Variants in PRKACB observed in about 807,000 individuals in gnomAD.
PRKACB encodes the protein cAMP-dependent protein kinase catalytic subunit beta.
Under a neutral mutation model 51.4 loss-of-function variants are expected in PRKACB, and 16 were observed. The ratio of observed to expected loss-of-function variants is 0.31; its 90% CI spans 0.21 to 0.47. The LOEUF (loss-of-function observed/expected upper bound fraction) is 0.47. Ranked by LOEUF, PRKACB falls within the 20% of genes least tolerant of loss-of-function variation. The probability of loss-of-function intolerance (pLI) is 1.00; values close to 1 mark genes in which losing one functional copy is unlikely to be tolerated. For missense variants in PRKACB, 309 were observed against 464.5 expected (o/e 0.67, Z 3.08); for synonymous variants, 147 against 154.4 (o/e 0.95, Z 0.35).
At chr1:84,143,106 T>C (rs1653586886), upstream of PRKACB, among the ~76,000 whole-genome samples, 1 of 152,180 alleles carries the variant, frequency 6.6e-6, no homozygotes. Flanking sequence ...CAGGTTACTT[T>C]CTTTCCTGAA....
intron 1 of PRKACB, among the ~76,000 whole-genome samples, chr1:84,169,773 G>A (rs1259044831): frequency 6.6e-6 from 1 of 151,580 alleles, no homozygotes; most frequent in Admixed American, 6.6e-5. Flanking sequence ...ACCTCATTTT[G>A]TTTTGACAAG....
At chr1:84,199,121 A>ATGCATATATGTATATATATGCG (rs1558242905) in intron 7 of PRKACB, among the ~76,000 whole-genome samples, 6 of 124,394 alleles carry the variant, frequency 4.8e-5, no homozygotes, top group South Asian at 5.1e-4. Context: ...ATATGCATAT[A>ATGCATATATGTATATATATGCG]TATATATATA....
rs774344400 is a variant in PRKACB at position 84,175,012 on chromosome 1, A to G, written c.188-4165A>G. ...TATTCATATAATTTAATCATTTTCT[A>G]ATTTATTTTTTGGACACAAGCTTGC... On this transcript the variant is annotated intron_variant, in intron 1 of 9. Transcript: ENST00000370685. The G allele has an allele frequency of 3.4e-6, 5 of 1,463,922 alleles. No individual in the cohort carries two copies. In the South Asian group the frequency reaches 5.7e-5, roughly 17 times the overall value. 90.7% of individuals were successfully genotyped at this position (1,463,922 alleles called of 1,614,324 possible).
intron 8 of PRKACB, among the ~76,000 whole-genome samples, chr1:84,213,587 T>C (rs371385131): frequency 6.3e-4 from 96 of 152,324 alleles, no homozygotes; most frequent in African/African-American, 2.1e-3. Flanking sequence ...ATCATTTTTA[T>C]ACTGTTGCAT....
At chr1:84,127,881 G>C (rs1453597482) in intron 1 of PRKACB, among the ~76,000 whole-genome samples, 1 of 151,694 alleles carries the variant, frequency 6.6e-6, no homozygotes, top group Non-Finnish European at 1.5e-5. Flanking sequence ...TACTTAGTGG[G>C]AATTTTTTGT....
chr1:84,214,238 A>G lies in PRKACB; in HGVS notation c.992A>G (p.Asn331Ser). The change falls in exon 9 of 10, where the codon AAT becomes AGT. Residue 331 changes from asparagine (N) to serine (S), a missense_variant. Physicochemically the swap from Asn to Ser is conservative, Grantham distance 46 (BLOSUM62 1). Around this residue, in one of 3 missense-constraint regions of PRKACB, gnomAD observed 96 missense variants for 129.9 expected, o/e 0.74. Transcript: ENST00000370685. ...GTGGATTTGACCAAGAGATTTGGAA[A>G]TCTAAAGAATGGTGTCAGTGATATA... ...LQVDLTKRFG[N>S]LKNGVSDIKT... 6.2e-7 allele frequency: 1 copy of G among 1,613,748 alleles called. No homozygotes were observed. Among genetic ancestry groups the G allele is most frequent in the Non-Finnish European group, 8.5e-7 (1 of 1,179,820 alleles).
At chr1:84,154,747 A>G (rs1366876433) in intron 1 of PRKACB, among the ~76,000 whole-genome samples, 2 of 152,184 alleles carry the variant, frequency 1.3e-5, no homozygotes, top group Admixed American at 1.3e-4. Context: ...ACAAATCAAC[A>G]TATGTGATAC....
chr1:84,184,542 A>C (rs1664524329), intron 4 of PRKACB, among the ~76,000 whole-genome samples: 1 of 151,778 alleles, frequency 6.6e-6, no homozygotes, highest in Non-Finnish European at 1.5e-5. Context: ...ACAAAGCAAA[A>C]TTTTTGTTCC....
intron 1 of PRKACB, among the ~76,000 whole-genome samples, chr1:84,146,296 A>G (rs1319403353): frequency 6.6e-6 from 1 of 151,766 alleles, no homozygotes; most frequent in Non-Finnish European, 1.5e-5. Flanking sequence ...CCTCTACTTG[A>G]CTCTCCTTTT....
Position 84,196,685 on chromosome 1 carries a change from C to T in PRKACB, c.630C>T (p.Leu210=). The change falls in exon 6 of 10, where the codon CTC becomes CTT. Residue 210 remains leucine (L), a synonymous_variant. Coordinates refer to ENST00000370685, the MANE Select transcript of PRKACB (RefSeq NM_182948.4). ...TCGAGTACCTCCATTCACTAGACCTCATCTACAGAGATCTAAAACCTGAAA... is the reference window on the plus strand; with the variant it reads ...TCGAGTACCTCCATTCACTAGACCTTATCTACAGAGATCTAAAACCTGAAA... ...LTFEYLHSLD[L]IYRDLKPENL... 1.2e-6 allele frequency: 2 copies of T among 1,613,266 alleles called. No homozygotes were observed. The highest frequency in any genetic ancestry group is 1.7e-6 in the Non-Finnish European group (2 of 1,179,366).
At chr1:84,177,934 T>G (rs1661897787) in intron 1 of PRKACB, among the ~76,000 whole-genome samples, 1 of 152,028 alleles carries the variant, frequency 6.6e-6, no homozygotes, top group Admixed American at 6.6e-5. Context: ...AAAAAAGGCA[T>G]TCTGAGAGTA....
At chr1:84,162,895 G>A (rs1022803959) in intron 1 of PRKACB, among the ~76,000 whole-genome samples, 1 of 151,862 alleles carries the variant, frequency 6.6e-6, no homozygotes, top group East Asian at 1.9e-4. Context: ...TGTGGTAGTA[G>A]CTCTGGGTTT....
intron 1 of PRKACB, among the ~76,000 whole-genome samples, chr1:84,119,679 C>A (rs967297701): frequency 3.3e-5 from 5 of 152,024 alleles, no homozygotes; most frequent in Admixed American, 2.6e-4. Flanking sequence ...AATGACCACG[C>A]CTTATGTAAA....
intron 1 of PRKACB, among the ~76,000 whole-genome samples, chr1:84,116,708 G>A (rs1650664451): frequency 6.6e-6 from 1 of 152,080 alleles, no homozygotes; most frequent in African/African-American, 2.4e-5. Flanking sequence ...TCAAATCAGG[G>A]AGTTTTTGGT....
chr1:84,096,341 A>AGT (rs769059525), intron 1 of PRKACB, among the ~76,000 whole-genome samples: 3 of 152,062 alleles, frequency 2.0e-5, no homozygotes, highest in Admixed American at 1.3e-4. Flanking sequence ...TCTGTTCTTT[A>AGT]GTGTCATGCC....
chr1:84,217,747 C>T, intron 9 of PRKACB, among the ~76,000 whole-genome samples: 1 of 152,172 alleles, frequency 6.6e-6, no homozygotes, highest in Non-Finnish European at 1.5e-5. Context: ...GAGCCATGAT[C>T]ATGCCACTGC....
chr1:84,099,510 A>G (rs1235533669), intron 1 of PRKACB, among the ~76,000 whole-genome samples: 1 of 152,094 alleles, frequency 6.6e-6, no homozygotes, highest in Non-Finnish European at 1.5e-5. Context: ...AACAGCAAAT[A>G]TAAATATATC....
At chr1:84,117,545 C>T (rs1650731344) in intron 1 of PRKACB, among the ~76,000 whole-genome samples, 1 of 151,990 alleles carries the variant, frequency 6.6e-6, no homozygotes, top group Admixed American at 6.6e-5. Context: ...TGTATGTTTC[C>T]AGGAATTTAT....
At chr1:84,217,044 G>T (rs1463899008) in intron 9 of PRKACB, among the ~76,000 whole-genome samples, 1 of 152,184 alleles carries the variant, frequency 6.6e-6, no homozygotes, top group African/African-American at 2.4e-5. Flanking sequence ...ACATTGATCT[G>T]AATCCCTGAT....
Sources: gnomAD v4.1 joint callset for allele counts (sites outside exome capture counted in the v4.1 genomes callset) on GRCh38, gnomAD v4.1.1 for gene constraint, gnomAD v4.1.1 regional missense constraint, MANE v1.5 for transcripts, NCBI Gene and HGNC (gene_info 2026-07-23, HGNC 2026-07-21) for gene names.